The following DMXL1 variants were observed in gnomAD, a reference collection of about 807,000 sequenced individuals.
DMXL1 encodes the protein dmX-like protein 1.
DMXL1 carries 99 observed loss-of-function variants against 319.2 expected under a neutral mutation model. That is an observed-to-expected ratio of 0.31 (90% confidence interval 0.26 to 0.37). DMXL1 has a LOEUF of 0.37. Ranked by LOEUF, DMXL1 falls within the 10% of genes least tolerant of loss-of-function variation. DMXL1 has a pLI of 1.00. For missense variants in DMXL1, 3,745 were observed against 3,595.6 expected (o/e 1.04, Z -1.06); for synonymous variants, 1,385 against 1,235.2 (o/e 1.12, Z -2.54).
intron 28 of DMXL1, among the ~76,000 whole-genome samples, chr5:119,184,124 G>A (rs759543351): frequency 7.3e-5 from 11 of 151,570 alleles, no homozygotes; most frequent in Middle Eastern, 3.4e-3. Flanking sequence ...TGTGATCACA[G>A]CTCATTTTAC....
At chr5:119,075,579 C>T (rs547969998) in intron 1 of DMXL1, among the ~76,000 whole-genome samples, 1 of 152,196 alleles carries the variant, frequency 6.6e-6, no homozygotes, top group African/African-American at 2.4e-5. Context: ...GGCATTTTAT[C>T]ATCAACAAGT....
rs1776028172 is a variant in DMXL1, at chr5:119,177,472, G to C, written c.6874G>C (p.Ala2292Pro). Residue 2292 changes from alanine to proline, a missense_variant, in exon 27 of 44, where the codon GCT becomes CCT. Ala to Pro is a conservative substitution (Grantham distance 27). Transcript: ENST00000539542. ...DEALTPNTSPAQWPGITCLIR... is the reference protein window; with the variant it reads ...DEALTPNTSPPQWPGITCLIR... Reference sequence around the variant, plus strand: ...AGCATTAACTCCCAATACGTCACCAGCTCAATGGCCAGGTATAATTTTTAT... The same window carrying C: ...AGCATTAACTCCCAATACGTCACCACCTCAATGGCCAGGTATAATTTTTAT... 6.3e-7 allele frequency: 1 copy of C among 1,599,736 alleles called. No individual in the cohort carries two copies.
chr5:119,162,874 T>G (rs1483300686), intron 19 of DMXL1, among the ~76,000 whole-genome samples: 1 of 152,214 alleles, frequency 6.6e-6, no homozygotes, highest in Non-Finnish European at 1.5e-5. Context: ...ATTTTCAAAG[T>G]GTTCCGTATA....
chr5:119,109,365 C>T (rs761415272), intron 4 of DMXL1, among the ~76,000 whole-genome samples: 1 of 152,104 alleles, frequency 6.6e-6, no homozygotes, highest in African/African-American at 2.4e-5. Flanking sequence ...GTTGACTGCC[C>T]CTCTTCCAGT....
intron 42 of DMXL1, among the ~76,000 whole-genome samples, chr5:119,242,806 T>TTAC (rs1789074925): frequency 6.6e-6 from 1 of 152,206 alleles, no homozygotes; most frequent in South Asian, 2.1e-4. Flanking sequence ...CTCACATATA[T>TTAC]AGTAGACTTA....
At chr5:119,121,396 G>A (rs1462267833) in intron 9 of DMXL1, among the ~76,000 whole-genome samples, 2 of 151,940 alleles carry the variant, frequency 1.3e-5, no homozygotes, top group Non-Finnish European at 2.9e-5. Flanking sequence ...GTGAACAAAG[G>A]TCTCTGGTTT....
chr5:119,229,811 T>C (rs1786324950), intron 38 of DMXL1, among the ~76,000 whole-genome samples: 2 of 152,178 alleles, frequency 1.3e-5, no homozygotes, highest in South Asian at 4.1e-4. Flanking sequence ...CAGCATTCTA[T>C]AGAGTAGCAA....
Position 119,134,165 on chromosome 5 carries a change from C to T in DMXL1, c.2241C>T (p.Pro747=). 6.2e-7 allele frequency: 1 copy of T among 1,612,776 alleles called. No homozygotes were observed. The highest frequency in any genetic ancestry group is 2.2e-5 in the East Asian group (1 of 44,880). The change falls in exon 12 of 44, where the codon CCC becomes CCT. Residue 747 remains proline (P), a synonymous_variant. Coordinates refer to ENST00000539542, the MANE Select transcript of DMXL1 (RefSeq NM_001290321.3). ...SNVAWLPTLI[P]SYCLGAYCNS... ...TGGCATGGCTGCCCACTCTTATACC[C>T]AGTTATTGTCTGGGTAAGTATTCTG...
chr5:119,238,861 A>G, intron 40 of DMXL1, 128 bp from the exon 41 acceptor site: 3 of 1,448,590 alleles, frequency 2.1e-6, no homozygotes, highest in Non-Finnish European at 2.7e-6. Flanking sequence ...CTAAAGTTCA[A>G]AGGAAAAAAA....
intron 19 of DMXL1, among the ~76,000 whole-genome samples, chr5:119,156,231 T>C (rs372974479): frequency 1.3e-5 from 2 of 152,246 alleles, no homozygotes; most frequent in African/African-American, 4.8e-5. Flanking sequence ...GCAAAAATTA[T>C]GACTTGCTTA....
intron 1 of DMXL1, among the ~76,000 whole-genome samples, chr5:119,096,076 A>G (rs189956728): frequency 3.6e-4 from 55 of 152,246 alleles, no homozygotes; most frequent in African/African-American, 1.2e-3. Flanking sequence ...CATATAGCAC[A>G]TTCATTTGTA....
rs1196521369 is a variant in DMXL1, at chr5:119,132,631, C to T, written c.1316-501C>T. On this transcript the variant is annotated intron_variant, in intron 10 of 43. Coordinates refer to ENST00000539542, the MANE Select transcript of DMXL1 (RefSeq NM_001290321.3). Reference sequence around the variant, plus strand: ...AGCAGAGGTTGCAGTGAGCTGAGATCACGCCACTGTACTCCAGCTGGGGCA... The same window carrying T: ...AGCAGAGGTTGCAGTGAGCTGAGATTACGCCACTGTACTCCAGCTGGGGCA... The T allele has an allele frequency of 8.3e-6, 3 of 362,494 alleles. No individual in the cohort carries two copies. The Admixed American group carries it at 1.1e-4, about 13-fold the overall frequency. 22.5% of individuals were successfully genotyped at this position (362,494 alleles called of 1,614,324 possible).
chr5:119,167,499 T>C (rs1773671593), intron 22 of DMXL1, 104 bp from the exon 23 acceptor site: 3 of 936,070 alleles, frequency 3.2e-6, no homozygotes, highest in Admixed American at 6.1e-5. Context: ...TAATTTTGGA[T>C]ATTTATAAGC....
chr5:119,181,345 G>T (rs923245107), intron 28 of DMXL1, among the ~76,000 whole-genome samples: 3 of 152,106 alleles, frequency 2.0e-5, no homozygotes, highest in Non-Finnish European at 4.4e-5. Context: ...AGGTTATATG[G>T]TGCTCATCTG....
intron 10 of DMXL1, among the ~76,000 whole-genome samples, chr5:119,130,695 T>G (rs1328819885): frequency 1.3e-5 from 2 of 152,188 alleles, no homozygotes; most frequent in East Asian, 3.9e-4. Flanking sequence ...ATCATTGTAT[T>G]TAACGGCTGC....
rs1788228267 is a variant in DMXL1, at chr5:119,238,827, C to A, written c.8560-162C>A. ...TCTGGGTAAAAGGTATATGAAAGTTCTCTGTATTACTTTTACAATTTTTCT... is the reference window on the plus strand; with the variant it reads ...TCTGGGTAAAAGGTATATGAAAGTTATCTGTATTACTTTTACAATTTTTCT... On this transcript the variant is annotated intron_variant, in intron 40 of 43. Coordinates refer to ENST00000539542, the MANE Select transcript of DMXL1 (RefSeq NM_001290321.3). The A allele has an allele frequency of 4.2e-6, 4 of 945,800 alleles. No homozygotes were observed. The South Asian group carries it at 2.0e-4, about 47-fold the overall frequency. The allele number at this position is 945,800 out of a possible 1,614,324, so 58.6% of individuals were successfully genotyped here. A position where few individuals can be genotyped will look rare whatever the true frequency, so the allele number is the denominator to read the frequency against.
chr5:119,143,987 G>A, intron 14 of DMXL1, 57 bp downstream of exon 14: 1 of 1,112,460 alleles, frequency 9.0e-7, no homozygotes, highest in Non-Finnish European at 1.3e-6. Context: ...AAAGCATTTT[G>A]CATAAAATCT....
chr5:119,142,492 A>C (rs1201221417), intron 13 of DMXL1, among the ~76,000 whole-genome samples: 5 of 150,878 alleles, frequency 3.3e-5, no homozygotes, highest in African/African-American at 1.2e-4. Context: ...ATCTCACACC[A>C]GTCAGAATGG....
chr5:119,098,001 T>C lies in DMXL1; in HGVS notation c.110T>C (p.Ile37Thr). 1 of 1,605,514 alleles carries C rather than the reference T, an allele frequency of 6.2e-7. No individual in the cohort carries two copies. Among genetic ancestry groups the C allele is most frequent in the Non-Finnish European group, 8.5e-7 (1 of 1,177,574 alleles). ...RFTAYASGCD[I>T]VILGSDFERL... ...TAGGCTTATGCATCTGGATGTGACA[T>C]TGTAATACTGGGAAGCGATTTTGAA... is the stretch of plus-strand genomic sequence containing the variant. Residue 37 changes from isoleucine (I) to threonine (T), a missense_variant, in exon 2 of 44, where the codon ATT (isoleucine) becomes ACT (threonine). Physicochemically the swap from Ile to Thr is moderately conservative, Grantham distance 89 (BLOSUM62 -1). Coordinates refer to ENST00000539542, the MANE Select transcript of DMXL1 (RefSeq NM_001290321.3).
Sources: allele counts gnomAD v4.1 joint callset (sites outside exome capture counted in the v4.1 genomes callset), GRCh38; gene constraint gnomAD v4.1.1; transcripts MANE v1.5; gene names NCBI Gene and HGNC (gene_info 2026-07-23, HGNC 2026-07-21).